Variants in TSGA13 observed in about 807,000 individuals in gnomAD.
The protein encoded by TSGA13 is testis specific 13.
A neutral mutation model predicts 35.1 loss-of-function variants in TSGA13; 37 were observed. The ratio of observed to expected loss-of-function variants is 1.05; its 90% CI spans 0.81 to 1.39. TSGA13 has a LOEUF of 1.39. Ranked by LOEUF, TSGA13 falls within the 40% of genes most tolerant of loss-of-function variation. The pLI, the probability that TSGA13 is intolerant of heterozygous loss-of-function variation, is 0.00. For missense variants in TSGA13, 338 were observed against 328.5 expected, an observed-to-expected ratio of 1.03 and a Z score of -0.22; for synonymous variants, 124 against 121.2, an observed-to-expected ratio of 1.02 and a Z score of -0.15.
chr7:130,680,065 C>T (rs1178432969), intron 4 of TSGA13, among the ~76,000 whole-genome samples: 1 of 152,202 alleles, frequency 6.6e-6, no homozygotes, highest in Admixed American at 6.5e-5. Flanking sequence ...TACCAGGGAC[C>T]AAATCTCGCT....
At chr7:130,685,120 T>G in intron 2 of TSGA13, 68 bp downstream of exon 2, 1 of 1,476,260 alleles carries the variant, frequency 6.8e-7, no homozygotes, top group Non-Finnish European at 9.5e-7. Context: ...TTCAACGTGC[T>G]GTGGGCTATG....
chr7:130,669,522 A>G (rs782770894), intron 7 of TSGA13, among the ~76,000 whole-genome samples: 2 of 152,208 alleles, frequency 1.3e-5, no homozygotes, highest in Non-Finnish European at 2.9e-5. Context: ...CTCAGAGTGT[A>G]TGCTGGCTTT....
Position 130,668,734 on chromosome 7 carries a change from A to G in TSGA13, c.*280T>C. On this transcript the variant is annotated 3_prime_UTR_variant, in exon 8 of 8. Transcript: ENST00000356588. Reference sequence around the variant, plus strand: ...CCAGGCGCCGCAGCCGGCGAGCGGAAGAGGCTGCAGGAAGGCCGGCCCCGC... The same window carrying G: ...CCAGGCGCCGCAGCCGGCGAGCGGAGGAGGCTGCAGGAAGGCCGGCCCCGC... The G allele has an allele frequency of 6.7e-7, 1 of 1,487,462 alleles. No individual in the cohort carries two copies. Among genetic ancestry groups the G allele is most frequent in the Non-Finnish European group, 9.0e-7 (1 of 1,113,192 alleles). 92.1% of individuals were successfully genotyped at this position (1,487,462 alleles called of 1,614,324 possible).
At chr7:130,676,838 G>C (rs1796421427) in intron 5 of TSGA13, among the ~76,000 whole-genome samples, 1 of 150,794 alleles carries the variant, frequency 6.6e-6, no homozygotes, top group Admixed American at 6.6e-5. Context: ...TATTTAATTT[G>C]TTCTTGTTAG....
intron 6 of TSGA13, among the ~76,000 whole-genome samples, chr7:130,672,109 C>T (rs1010446341): frequency 2.0e-5 from 3 of 152,028 alleles, no homozygotes; most frequent in African/African-American, 4.8e-5. Context: ...AGGCTGGTCT[C>T]GAACTCCTGA....
At position 130,669,126 on chromosome 7, in the gene TSGA13, G is replaced by A. The variant is rs782580501; in HGVS notation, c.716C>T (p.Thr239Ile). 6.2e-7 allele frequency: 1 copy of A among 1,614,096 alleles called. No individual in the cohort carries two copies. Among genetic ancestry groups the A allele is most frequent in the South Asian group, 1.1e-5 (1 of 91,090 alleles). Reference sequence around the variant, plus strand: ...CATGTCTTCCAAGAGCGATGCGAGTGTCAGTGGTTCCCGAATCACTTTGGA... The same window carrying A: ...CATGTCTTCCAAGAGCGATGCGAGTATCAGTGGTTCCCGAATCACTTTGGA... ...PISKVIREPL[T>I]LASLLEDMPT... is the part of the protein sequence containing the mutation. The change falls in exon 8 of 8, where the codon ACA becomes ATA. Residue 239 changes from threonine (T) to isoleucine (I), a missense_variant. By Grantham distance (89) the Thr-to-Ile change is moderately conservative (BLOSUM62 -1). Coordinates refer to ENST00000356588, the MANE Select transcript of TSGA13 (RefSeq NM_052933.4).
chr7:130,670,116 A>G (rs1407814984), intron 7 of TSGA13, among the ~76,000 whole-genome samples: 1 of 152,204 alleles, frequency 6.6e-6, no homozygotes, highest in Non-Finnish European at 1.5e-5. Flanking sequence ...GCTGTTCTTC[A>G]GCTTTTCTGT....
rs1371648187 is a variant in TSGA13, at chr7:130,686,483, CAA to C, written c.-374_-373del. Reference sequence around the variant, plus strand: ...CGAAATCATAGTTTGGTGAAGAAGGCAAAGTCTTTGGCATGGGAACTTTCCAT... The same window carrying C: ...CGAAATCATAGTTTGGTGAAGAAGGCAGTCTTTGGCATGGGAACTTTCCAT... On this transcript the variant is annotated 5_prime_UTR_variant, in exon 1 of 8. It removes the in-frame stop codon of an upstream open reading frame in the 5' UTR. Coordinates refer to ENST00000356588, the MANE Select transcript of TSGA13 (RefSeq NM_052933.4). The C allele has an allele frequency of 7.8e-4, 119 of 152,122 alleles. 1 individual carries two copies. The highest frequency in any genetic ancestry group is 2.8e-3 in the African/African-American group (116 of 41,490). 9.4% of individuals were successfully genotyped at this position (152,122 alleles called of 1,614,324 possible).
chr7:130,680,675 T>C, intron 4 of TSGA13, among the ~76,000 whole-genome samples: 1 of 152,094 alleles, frequency 6.6e-6, no homozygotes, highest in East Asian at 1.9e-4. Flanking sequence ...TATATTTTTT[T>C]CCTGATCATA....
At chr7:130,678,214 T>TA (rs371942914) in intron 5 of TSGA13, among the ~76,000 whole-genome samples, 43 of 151,942 alleles carry the variant, frequency 2.8e-4, no homozygotes, top group African/African-American at 1.0e-3. Flanking sequence ...CCGTCTCTAC[T>TA]AAAAAATACA....
chr7:130,671,346 T>A (rs1584629932), intron 7 of TSGA13, among the ~76,000 whole-genome samples: 1 of 152,342 alleles, frequency 6.6e-6, no homozygotes, highest in East Asian at 1.9e-4. Context: ...CAAGATTTTT[T>A]AAAAATCCTT....
chr7:130,676,029 C>T (rs1241114970), intron 5 of TSGA13, among the ~76,000 whole-genome samples: 1 of 152,138 alleles, frequency 6.6e-6, no homozygotes, highest in Admixed American at 6.5e-5. Context: ...GTCAGTTTCA[C>T]TTAGAAGGGG....
intron 4 of TSGA13, 140 bp downstream of exon 4, chr7:130,680,806 C>T: frequency 1.4e-6 from 1 of 736,940 alleles, no homozygotes; most frequent in Non-Finnish European, 2.3e-6. Context: ...CTAGAGGCAG[C>T]TCTGCCTGCC....
intron 5 of TSGA13, among the ~76,000 whole-genome samples, chr7:130,677,733 T>C (rs1554464337): frequency 2.0e-5 from 3 of 152,066 alleles, no homozygotes; most frequent in Admixed American, 6.6e-5. Context: ...CCCTGCCATT[T>C]ACTCTCTTAC....
At chr7:130,678,712 T>C (rs1366307625) in intron 5 of TSGA13, among the ~76,000 whole-genome samples, 2 of 151,970 alleles carry the variant, frequency 1.3e-5, no homozygotes, top group Non-Finnish European at 2.9e-5. Context: ...ATGTGAAGCA[T>C]AGGATCAGGA....
At chr7:130,675,227 A>ATATATATATATG (rs1563079101) in intron 5 of TSGA13, among the ~76,000 whole-genome samples, 4 of 150,258 alleles carry the variant, frequency 2.7e-5, no homozygotes, top group Non-Finnish European at 4.4e-5. Context: ...ATATGTGTGT[A>ATATATATATATG]TATATATATA....
chr7:130,678,904 G>T (rs1796472591), intron 5 of TSGA13, among the ~76,000 whole-genome samples: 1 of 152,194 alleles, frequency 6.6e-6, no homozygotes, highest in African/African-American at 2.4e-5. Context: ...ATGCACACCT[G>T]TAGCCCCAGC....
intron 7 of TSGA13, 127 bp downstream of exon 7, chr7:130,671,534 T>C (rs2116297210): frequency 9.2e-7 from 1 of 1,086,908 alleles, no homozygotes; most frequent in African/African-American, 1.6e-5. Flanking sequence ...TTCCATGCTA[T>C]AGGGAAAAAT....
At chr7:130,680,044 C>T (rs899851495) in intron 4 of TSGA13, among the ~76,000 whole-genome samples, 1 of 152,148 alleles carries the variant, frequency 6.6e-6, no homozygotes, top group African/African-American at 2.4e-5. Context: ...CTCTAAGGTA[C>T]GAGGGAAAGC....
Sources: gnomAD v4.1 joint callset for allele counts (sites outside exome capture counted in the v4.1 genomes callset) on GRCh38, gnomAD v4.1.1 for gene constraint, MANE v1.5 for transcripts, NCBI Gene and HGNC (gene_info 2026-07-23, HGNC 2026-07-21) for gene names.